Variants in ADAMTS20 observed in about 807,000 individuals in gnomAD.
ADAMTS20 encodes the protein A disintegrin and metalloproteinase with thrombospondin motifs 20.
ADAMTS20 carries 225 observed loss-of-function variants against 260.1 expected under a neutral mutation model. The ratio of observed to expected loss-of-function variants is 0.87; its 90% CI spans 0.78 to 0.97. The LOEUF (loss-of-function observed/expected upper bound fraction) is 0.97. ADAMTS20 is among the 50% of genes least tolerant of loss of function. The pLI is 0.00. For synonymous variants in ADAMTS20, 802 were observed against 769.5 expected (o/e 1.04, Z -0.70); for missense variants, 2,400 against 2,337.7 (o/e 1.03, Z -0.55).
intron 7 of ADAMTS20, among the ~76,000 whole-genome samples, chr12:43,488,271 A>G (rs1476531876): frequency 6.6e-6 from 1 of 152,112 alleles, no homozygotes; most frequent in Non-Finnish European, 1.5e-5. Context: ...CTTATGTGTT[A>G]TATGGTTAAC....
rs926157915 is a variant in ADAMTS20 at position 43,431,271 on chromosome 12, C to A, written c.3261+61G>T. On this transcript the variant is annotated intron_variant, in intron 22 of 38. Coordinates refer to ENST00000389420, the MANE Select transcript of ADAMTS20 (RefSeq NM_025003.5). ...CACTAAGGGAGGAGTAAATATAACA[C>A]AACTTTTGTGCTATTCTGTAAAGAT... 9 of 1,540,004 alleles carry A rather than the reference C, an allele frequency of 5.8e-6. No individual in the cohort carries two copies. The African/African-American group carries it at 1.3e-4, about 21-fold the overall frequency.
chr12:43,399,317 T>C (rs1940764234), intron 28 of ADAMTS20, 84 bp from the exon 29 acceptor site: 1 of 1,129,612 alleles, frequency 8.9e-7, no homozygotes, highest in Non-Finnish European at 1.2e-6. Flanking sequence ...AATGTAACAA[T>C]CCACACATAA....
chr12:43,459,359 C>T lies in ADAMTS20; in HGVS notation c.1614+3536G>A, dbSNP rs149368968. ...CCTAATCAGGCTGAACACTAGTCAC[C>T]GGGTTCCATGGTTCTCTTCCATGAC... On this transcript the variant is annotated intron_variant, in intron 11 of 38. Coordinates refer to ENST00000389420, the MANE Select transcript of ADAMTS20 (RefSeq NM_025003.5). Among the ~76,000 whole-genome samples, 23 of 152,278 alleles carry T rather than the reference C, an allele frequency of 1.5e-4. No homozygotes were observed. The East Asian group carries it at 1.7e-3, about 12-fold the overall frequency.
Position 43,502,222 on chromosome 12 carries a change from G to C in ADAMTS20, c.797C>G (p.Thr266Arg). Reference protein sequence around the residue: ...SYPRYIEIMVTADAKVVSAHG... With the variant: ...SYPRYIEIMVRADAKVVSAHG... ...AGCAGAAACCACTTTAGCATCAGCT[G>C]TAACCATAATTTCAATGTATCTTGG... is the stretch of plus-strand genomic sequence containing the variant. The change falls in exon 4 of 39, where the codon ACA becomes AGA. Residue 266 changes from threonine to arginine, a missense_variant. By Grantham distance (71) the Thr-to-Arg change is moderately conservative. Coordinates refer to ENST00000389420, the MANE Select transcript of ADAMTS20 (RefSeq NM_025003.5). 1 of 1,612,098 alleles carries C rather than the reference G, an allele frequency of 6.2e-7. No individual in the cohort carries two copies. Among genetic ancestry groups the C allele is most frequent in the Non-Finnish European group, 8.5e-7 (1 of 1,179,174 alleles).
In ADAMTS20 at chr12:43,425,581, C is replaced by G. The variant is rs1203354894; in HGVS notation, c.4217G>C (p.Ser1406Thr). 2 of 1,609,376 alleles carry G rather than the reference C, an allele frequency of 1.2e-6. No individual in the cohort carries two copies. The highest frequency in any genetic ancestry group is 1.7e-6 in the Non-Finnish European group (2 of 1,177,260). Residue 1406 changes from serine to threonine, a missense_variant, in exon 28 of 39, where the codon AGC becomes ACC. Ser to Thr is a moderately conservative substitution (Grantham distance 58). Transcript: ENST00000389420. ...HNCEIVNKPP[S>T]VIQCHMHACP... is the part of the protein sequence containing the mutation. Reference sequence around the variant, plus strand: ...AGCATGCATATGACACTGTATTACGCTAGGTGGCTTGTTTACAATTTCACA... The same window carrying G: ...AGCATGCATATGACACTGTATTACGGTAGGTGGCTTGTTTACAATTTCACA...
In ADAMTS20 at chr12:43,436,926, T is replaced by C. The variant is rs546266313; in HGVS notation, c.2594-2555A>G. Among the ~76,000 whole-genome samples the C allele has an allele frequency of 3.3e-5, 5 of 152,312 alleles. No homozygotes were observed. In the East Asian group the frequency reaches 9.6e-4, roughly 29 times the overall value. On this transcript the variant is annotated intron_variant, in intron 18 of 38. Coordinates refer to ENST00000389420, the MANE Select transcript of ADAMTS20 (RefSeq NM_025003.5). ...TTTGAGACTTCTCTCCAATGACATA[T>C]GAGAGGGCTACTTAATGACCAAATT...
At chr12:43,362,987 G>A (rs572685563) in intron 37 of ADAMTS20, among the ~76,000 whole-genome samples, 7 of 151,946 alleles carry the variant, frequency 4.6e-5, no homozygotes, top group South Asian at 2.1e-4. Flanking sequence ...GACCCATTTC[G>A]GATTTCTGAC....
intron 37 of ADAMTS20, among the ~76,000 whole-genome samples, chr12:43,365,738 A>G (rs1263633107): frequency 6.6e-6 from 1 of 152,006 alleles, no homozygotes; most frequent in African/African-American, 2.4e-5. Flanking sequence ...TGTATAACAA[A>G]CATAGCAGAA....
rs751873705 is a variant in ADAMTS20, at chr12:43,383,855, A to G, written c.4575T>C (p.Cys1525=). The G allele has an allele frequency of 6.2e-7, 1 of 1,613,956 alleles. No homozygotes were observed. The highest frequency in any genetic ancestry group is 1.3e-5 in the African/African-American group (1 of 75,046). ...QSTRPCSQRR[C]WSQDCVQHKG... ...TGTGCTGCACACAGTCCTGACTCCA[A>G]CATCGCCTCTGAGAACAAGGTCGGG... Residue 1525 remains cysteine (C), a synonymous_variant, in exon 30 of 39, where the codon TGT becomes TGC. Transcript: ENST00000389420.
chr12:43,525,433 G>A (rs1235002243), intron 3 of ADAMTS20, among the ~76,000 whole-genome samples: 1 of 152,158 alleles, frequency 6.6e-6, no homozygotes, highest in African/African-American at 2.4e-5. Context: ...TCTCTTGAAA[G>A]CATAATACAG....
intron 38 of ADAMTS20, among the ~76,000 whole-genome samples, chr12:43,355,453 GAA>G (rs1254570351): frequency 2.6e-5 from 4 of 152,138 alleles, no homozygotes; most frequent in Non-Finnish European, 5.9e-5. Flanking sequence ...TTAATCTTGA[GAA>G]GTTAATAAAA....
chr12:43,391,185 T>G (rs1203828962), intron 29 of ADAMTS20, among the ~76,000 whole-genome samples: 2 of 152,206 alleles, frequency 1.3e-5, no homozygotes, highest in African/African-American at 4.8e-5. Flanking sequence ...AAGCTAGATC[T>G]CTGGAGTGTC....
intron 28 of ADAMTS20, among the ~76,000 whole-genome samples, chr12:43,424,490 C>A (rs7138928): frequency 0.7 from 105,817 of 151,932 alleles, 37,239 homozygotes; most frequent in East Asian, 1. Flanking sequence ...TAAACAAGTT[C>A]TGTTATGGAA....
intron 11 of ADAMTS20, among the ~76,000 whole-genome samples, chr12:43,462,608 A>G (rs980971062): frequency 1.3e-5 from 2 of 152,194 alleles, no homozygotes; most frequent in Non-Finnish European, 2.9e-5. Flanking sequence ...TCTGTCCTCA[A>G]TTTTAATAAT....
At chr12:43,356,435 C>T in intron 38 of ADAMTS20, 49 bp downstream of exon 38, 1 of 1,247,196 alleles carries the variant, frequency 8.0e-7, no homozygotes. Context: ...AATGCTAGTT[C>T]ATAGCTCAGA....
chr12:43,460,568 T>C (rs1942041177), intron 11 of ADAMTS20, among the ~76,000 whole-genome samples: 1 of 152,170 alleles, frequency 6.6e-6, no homozygotes, highest in Non-Finnish European at 1.5e-5. Context: ...ACTCACCCTA[T>C]AATCCAGCAA....
intron 24 of ADAMTS20, among the ~76,000 whole-genome samples, chr12:43,429,279 AAAC>A (rs1175095527): frequency 2.0e-5 from 3 of 152,178 alleles, no homozygotes; most frequent in African/African-American, 7.2e-5. Context: ...CAGTGTAGAA[AAAC>A]AACATGAAAA....
chr12:43,528,974 C>G (rs1003181825), intron 3 of ADAMTS20, among the ~76,000 whole-genome samples: 5 of 151,890 alleles, frequency 3.3e-5, no homozygotes, highest in African/African-American at 1.2e-4. Context: ...GCAAATAATT[C>G]CATTAAAAAG....
rs547321584 is a variant in ADAMTS20, at chr12:43,551,106, C to A, written c.256G>T (p.Gly86Trp). 6.2e-7 allele frequency: 1 copy of A among 1,613,936 alleles called. No homozygotes were observed. The highest frequency in any genetic ancestry group is 8.5e-7 in the Non-Finnish European group (1 of 1,179,882). Residue 86 changes from glycine (G) to tryptophan (W), a missense_variant, in exon 2 of 39, where the codon GGG becomes TGG. Transcript: ENST00000389420. This position sits in a 1 kb window ranked among gnomAD's most constrained non-coding sequence, Gnocchi z 4.6. ...FRTHYRFTAY[G>W]QLFQLNLTAD... ...GTCAGGTTCAGCTGGAAGAGCTGCC[C>A]GTAGGCAGTGAAGCGATAGTGGGTT...
Sources: allele counts gnomAD v4.1 joint callset (sites outside exome capture counted in the v4.1 genomes callset), GRCh38; gene constraint gnomAD v4.1.1; non-coding constraint Gnocchi (gnomAD v3.1); transcripts MANE v1.5; gene names NCBI Gene and HGNC (gene_info 2026-07-23, HGNC 2026-07-21).